ADCY9: variants seen among roughly 807,000 people sequenced by gnomAD.
ADCY9 encodes the protein adenylate cyclase type 9.
A neutral mutation model predicts 101.5 loss-of-function variants in ADCY9; 50 were observed. The observed-to-expected ratio is 0.49, with a 90% CI of 0.39 to 0.62. The LOEUF is 0.62. Among genes scored for constraint, ADCY9 ranks in the 20% least tolerant of loss-of-function variants. The pLI is 0.00. For missense variants in ADCY9, 1,662 were observed against 1,800.4 expected (o/e 0.92, Z 1.39); for synonymous variants, 905 against 769.3 (o/e 1.18, Z -2.92).
At chr16:4,106,561 A>C (rs1400340205) in intron 2 of ADCY9, among the ~76,000 whole-genome samples, 2 of 152,372 alleles carry the variant, frequency 1.3e-5, no homozygotes, top group South Asian at 2.1e-4. Context: ...GCCCAGGGCC[A>C]GATGGATGAC....
rs144131615 is a variant in ADCY9, at chr16:4,045,791, T to C, written c.1694-38233A>G. Reference sequence around the variant, plus strand: ...TTGGCTCACTGCAGCCTCGACCTCCTTGGCTCAAGTGATCCTTTCACCTCA... The same window carrying C: ...TTGGCTCACTGCAGCCTCGACCTCCCTGGCTCAAGTGATCCTTTCACCTCA... On this transcript the variant is annotated intron_variant, in intron 2 of 10. Coordinates refer to ENST00000294016, the MANE Select transcript of ADCY9 (RefSeq NM_001116.4). Among the ~76,000 whole-genome samples, 95 of 151,286 alleles carry C rather than the reference T, an allele frequency of 6.3e-4. 1 individual carries two copies. The Middle Eastern group carries it at 0.014, about 22-fold the overall frequency.
At chr16:4,072,299 C>T (rs570638588) in intron 2 of ADCY9, among the ~76,000 whole-genome samples, 1 of 152,326 alleles carries the variant, frequency 6.6e-6, no homozygotes, top group East Asian at 1.9e-4. Flanking sequence ...TGCTACTCCG[C>T]CATGTGGCTT....
At position 4,087,575 on chromosome 16, in the gene ADCY9, A is replaced by G. The variant is rs532004314; in HGVS notation, c.1693+26175T>C. Reference sequence around the variant, plus strand: ...AAAAAAAAAAAAAAGAAGAACAACAACAGCTAAGAGTTTGGCAGAGTTTAC... The same window carrying G: ...AAAAAAAAAAAAAAGAAGAACAACAGCAGCTAAGAGTTTGGCAGAGTTTAC... On this transcript the variant is annotated intron_variant, in intron 2 of 10. Coordinates refer to ENST00000294016, the MANE Select transcript of ADCY9 (RefSeq NM_001116.4). 5.3e-5 allele frequency among the ~76,000 whole-genome samples: 8 copies of G among 151,204 alleles called. No homozygotes were observed. The East Asian group carries it at 1.2e-3, about 22-fold the overall frequency.
intron 2 of ADCY9, among the ~76,000 whole-genome samples, chr16:4,027,056 G>A (rs903948869): frequency 4.6e-5 from 7 of 152,130 alleles, no homozygotes; most frequent in Non-Finnish European, 8.8e-5. Flanking sequence ...TTCAACCTCT[G>A]ATTGGTCGCC....
At chr16:4,078,877 G>T (rs2056884834) in intron 2 of ADCY9, among the ~76,000 whole-genome samples, 2 of 152,168 alleles carry the variant, frequency 1.3e-5, no homozygotes, top group Admixed American at 6.5e-5. Context: ...AGCAACTCAT[G>T]AAGAAATACA....
intron 3 of ADCY9, among the ~76,000 whole-genome samples, chr16:3,994,334 T>C (rs893317331): frequency 2.6e-5 from 4 of 152,192 alleles, no homozygotes; most frequent in African/African-American, 9.7e-5. Context: ...ACCTGGTTTG[T>C]GGTATTTCAA....
At chr16:4,003,627 T>C (rs2056347146) in intron 3 of ADCY9, among the ~76,000 whole-genome samples, 1 of 149,014 alleles carries the variant, frequency 6.7e-6, no homozygotes, top group Admixed American at 6.8e-5. Flanking sequence ...TGCAGTGGCA[T>C]CATCACAGCT....
intron 5 of ADCY9, among the ~76,000 whole-genome samples, chr16:3,957,172 TCTGTTTCTGG>T (rs1054523790): frequency 6.6e-6 from 1 of 152,202 alleles, no homozygotes; most frequent in African/African-American, 2.4e-5. Flanking sequence ...AATACCGCGC[TCTGTTTCTGG>T]CTGTTACCAG....
intron 2 of ADCY9, among the ~76,000 whole-genome samples, chr16:4,066,613 G>A (rs903388688): frequency 6.6e-6 from 1 of 152,072 alleles, no homozygotes; most frequent in African/African-American, 2.4e-5. Context: ...TCAAATGCCT[G>A]GGCTCAGGTG....
chr16:4,111,594 C>G (rs1281405278), intron 2 of ADCY9, among the ~76,000 whole-genome samples: 1 of 152,068 alleles, frequency 6.6e-6, no homozygotes, highest in African/African-American at 2.4e-5. Flanking sequence ...TAGACATACT[C>G]TATTCCTGGA....
chr16:4,054,102 GGCTCACGAAA>G (rs1266875746), intron 2 of ADCY9: 13 of 152,066 alleles, frequency 8.5e-5, no homozygotes, highest in African/African-American at 3.1e-4. Context: ...TATTATAGAT[GGCTCACGAAA>G]GCAGGATTAG....
Position 3,977,571 on chromosome 16 carries a change from G to C in ADCY9, c.2739C>G (p.Cys913Trp). 1 of 1,611,066 alleles carries C rather than the reference G, an allele frequency of 6.2e-7. No individual in the cohort carries two copies. Among genetic ancestry groups the C allele is most frequent in the Non-Finnish European group, 8.5e-7 (1 of 1,179,014 alleles). Reference protein sequence around the residue: ...LIAVVHYCNFCQLSSWMRSSL... With the variant: ...LIAVVHYCNFWQLSSWMRSSL... ...AGGACCTCATCCAGGAGCTGAGCTG[G>C]CAGAAGTTACAGTAGTGCACGACGG... The change falls in exon 9 of 11, where the codon TGC becomes TGG. Residue 913 changes from cysteine to tryptophan, a missense_variant. Cys to Trp is a radical substitution (Grantham distance 215). Coordinates refer to ENST00000294016, the MANE Select transcript of ADCY9 (RefSeq NM_001116.4).
In ADCY9 at chr16:3,979,420, G is replaced by A. The variant is rs142967167; in HGVS notation, c.2520-145C>T. 3.3e-3 allele frequency: 3,008 copies of A among 921,578 alleles called. 12 individuals are homozygous for A. The highest frequency in any genetic ancestry group is 7.9e-3 in the East Asian group (299 of 37,624). 57.1% of individuals were successfully genotyped at this position (921,578 alleles called of 1,614,324 possible). On this transcript the variant is annotated intron_variant, in intron 7 of 10. Transcript: ENST00000294016. ...TGGGCGTGAGAGCAGGCGTGGGGTGGGAGTCTACCTCCCTCACTTTTGGTA... is the reference window on the plus strand; with the variant it reads ...TGGGCGTGAGAGCAGGCGTGGGGTGAGAGTCTACCTCCCTCACTTTTGGTA...
chr16:4,069,750 C>T (rs1391007854), intron 2 of ADCY9, among the ~76,000 whole-genome samples: 1 of 152,042 alleles, frequency 6.6e-6, no homozygotes, highest in Non-Finnish European at 1.5e-5. Context: ...AGAAGTGAAC[C>T]AGCAACAACA....
At chr16:4,014,930 T>C (rs921630236) in intron 2 of ADCY9, among the ~76,000 whole-genome samples, 1 of 140,576 alleles carries the variant, frequency 7.1e-6, no homozygotes, top group Non-Finnish European at 1.5e-5. Context: ...CACATTCCCC[T>C]GTTTTGGCCT....
chr16:4,095,873 A>G (rs2057000324), intron 2 of ADCY9, among the ~76,000 whole-genome samples: 1 of 149,980 alleles, frequency 6.7e-6, no homozygotes, highest in South Asian at 2.1e-4. Flanking sequence ...GCTACTCGAG[A>G]GGCTGAGGCA....
intron 2 of ADCY9, among the ~76,000 whole-genome samples, chr16:4,085,188 C>T (rs892770617): frequency 2.0e-5 from 3 of 152,140 alleles, no homozygotes; most frequent in Non-Finnish European, 2.9e-5. Flanking sequence ...ATGGCCAAAC[C>T]CTGTCTCTAC....
In ADCY9 at chr16:3,990,465, CAAA is replaced by C. The variant is rs58708699; in HGVS notation, c.2208-1372_2208-1370del. 4.0e-3 allele frequency among the ~76,000 whole-genome samples: 575 copies of C among 144,528 alleles called. 4 individuals are homozygous for C. Among genetic ancestry groups the C allele is most frequent in the African/African-American group, 0.01 (400 of 38,590 alleles). 94.8% of individuals were successfully genotyped at this position (144,528 alleles called of 152,430 possible). On this transcript the variant is annotated intron_variant, in intron 5 of 10. Transcript: ENST00000294016. The stretch of plus-strand genomic sequence containing the variant: ...TGGGTGACACAGCAAGACTATGTCT[CAAA>C]AAAAAAAAAAAAGAGTAAATCAGGT...
In ADCY9 at chr16:4,097,549, ATATATTTT is replaced by A. The variant is rs1336454880; in HGVS notation, c.1693+16193_1693+16200del. Among the ~76,000 whole-genome samples, 433 of 48,176 alleles carry A rather than the reference ATATATTTT, an allele frequency of 9.0e-3. 9 individuals carry two copies. The highest frequency in any genetic ancestry group is 0.035 in the African/African-American group (308 of 8,844). 31.6% of individuals were successfully genotyped at this position (48,176 alleles called of 152,430 possible). A position where few individuals can be genotyped will look rare whatever the true frequency, so the allele number is the denominator to read the frequency against. On this transcript the variant is annotated intron_variant, in intron 2 of 10. Transcript: ENST00000294016. ...TGTACATATATATATATATATATATATATATTTTTTTTTTTTTTTTTTAAGACAGAGTC... is the reference window on the plus strand; with the variant it reads ...TGTACATATATATATATATATATATATTTTTTTTTTTTTTAAGACAGAGTC...
Sources: allele counts gnomAD v4.1 joint callset (sites outside exome capture counted in the v4.1 genomes callset), GRCh38; gene constraint gnomAD v4.1.1; transcripts MANE v1.5; gene names NCBI Gene and HGNC (gene_info 2026-07-23, HGNC 2026-07-21).